Variants in SHTN1 observed in about 807,000 individuals in gnomAD.
SHTN1 encodes the protein shootin 1.
Under a neutral mutation model 83.1 loss-of-function variants are expected in SHTN1, and 42 were observed. The observed-to-expected ratio is 0.51, with a 90% CI of 0.39 to 0.65. The LOEUF (loss-of-function observed/expected upper bound fraction) is 0.65. Among genes scored for constraint, SHTN1 ranks in the 30% least tolerant of loss-of-function variants. The pLI, the probability that SHTN1 is intolerant of heterozygous loss-of-function variation, is 0.00. For missense variants in SHTN1, 622 were observed against 737.8 expected (o/e 0.84, Z 1.82); for synonymous variants, 224 against 247.7 (o/e 0.90, Z 0.90).
rs774731476 is a variant in SHTN1, at chr10:116,911,743, C to T, written c.1359+47G>A. On this transcript the variant is annotated intron_variant, in intron 14 of 16. Coordinates refer to ENST00000355371, the MANE Select transcript of SHTN1 (RefSeq NM_001127211.3). ...AAAAAACAGATTTTAAAATACTCTC[C>T]TTTCATTTCCCCATTAGCTAAACAA... The T allele has an allele frequency of 7.0e-6, 11 of 1,575,808 alleles. No individual in the cohort carries two copies. In the South Asian group the frequency reaches 8.9e-5, roughly 13 times the overall value.
At position 116,919,701 on chromosome 10, in the gene SHTN1, T is replaced by C. The variant is rs536919346; in HGVS notation, c.1195+1733A>G. The stretch of plus-strand genomic sequence containing the variant: ...AAATTACAGCATCAGGAAACGCTAA[T>C]AGCCAGTAACCAAAGAGCAGGGCCA... On this transcript the variant is annotated intron_variant, in intron 12 of 16. Transcript: ENST00000355371. Among the ~76,000 whole-genome samples, 3 of 152,256 alleles carry C rather than the reference T, an allele frequency of 2.0e-5. No individual in the cohort carries two copies. The South Asian group carries it at 6.2e-4, about 32-fold the overall frequency.
At chr10:117,021,949 TTAAAG>T (rs1366407354) in intron 2 of SHTN1, among the ~76,000 whole-genome samples, 1 of 152,152 alleles carries the variant, frequency 6.6e-6, no homozygotes, top group Non-Finnish European at 1.5e-5. Flanking sequence ...CTATAATCAG[TTAAAG>T]TAAAGCGGAT....
chr10:117,041,879 TTTAC>T (rs1262907291), intron 2 of SHTN1, among the ~76,000 whole-genome samples: 2 of 152,308 alleles, frequency 1.3e-5, no homozygotes, highest in South Asian at 4.1e-4. Flanking sequence ...TAAAATTCCT[TTTAC>T]TTAAAGAACC....
At chr10:116,975,426 T>C (rs1850766141) in intron 2 of SHTN1, among the ~76,000 whole-genome samples, 1 of 151,180 alleles carries the variant, frequency 6.6e-6, no homozygotes, top group Non-Finnish European at 1.5e-5. Flanking sequence ...CTTTGTCCAT[T>C]GCCCAGCCAT....
chr10:116,951,906 T>C lies in SHTN1; in HGVS notation c.534+3A>G. 1.3e-6 allele frequency: 2 copies of C among 1,548,410 alleles called. No individual in the cohort carries two copies. Among genetic ancestry groups the C allele is most frequent in the Non-Finnish European group, 1.8e-6 (2 of 1,129,194 alleles). On this transcript the variant is annotated splice_donor_region_variant and intron_variant, in intron 6 of 16. Coordinates refer to ENST00000355371, the MANE Select transcript of SHTN1 (RefSeq NM_001127211.3). The stretch of plus-strand genomic sequence containing the variant: ...CCTTGCCTTTCAGGCCTGAGATACA[T>C]ACTTCTTCAATTACTTCTACGAGTT...
At chr10:117,051,111 G>A (rs1330747669) in intron 1 of SHTN1, among the ~76,000 whole-genome samples, 1 of 152,052 alleles carries the variant, frequency 6.6e-6, no homozygotes, top group African/African-American at 2.4e-5. Context: ...AGGATTATAA[G>A]GGAATACAAT....
At chr10:117,077,102 G>T (rs1293823245) in intron 1 of SHTN1, among the ~76,000 whole-genome samples, 2 of 152,180 alleles carry the variant, frequency 1.3e-5, no homozygotes, top group Non-Finnish European at 2.9e-5. Context: ...GAAGAAATGT[G>T]CAATCAAAAA....
intron 2 of SHTN1, among the ~76,000 whole-genome samples, chr10:117,038,232 C>A (rs1269134219): frequency 1.3e-5 from 2 of 151,496 alleles, no homozygotes; most frequent in African/African-American, 4.8e-5. Context: ...CCTTGACCTT[C>A]TGGGCTCAAG....
At chr10:117,068,789 T>A (rs1222223195) in intron 1 of SHTN1, among the ~76,000 whole-genome samples, 1 of 152,136 alleles carries the variant, frequency 6.6e-6, no homozygotes, top group Non-Finnish European at 1.5e-5. Flanking sequence ...ACAGGTGCAG[T>A]GACATGATGG....
At chr10:117,005,310 A>C, upstream of SHTN1, 6 of 1,387,722 alleles carry the variant, frequency 4.3e-6, no homozygotes, top group Non-Finnish European at 5.6e-6. Context: ...CGGGCCCAGC[A>C]GTCCCGTTCA....
At chr10:117,024,733 A>G (rs536681757) in intron 2 of SHTN1, among the ~76,000 whole-genome samples, 8 of 152,194 alleles carry the variant, frequency 5.3e-5, no homozygotes, top group Admixed American at 1.3e-4. Flanking sequence ...ACACATGCTG[A>G]AGTAGTTAGG....
chr10:116,971,849 C>T (rs536073540), intron 2 of SHTN1, among the ~76,000 whole-genome samples: 1 of 152,256 alleles, frequency 6.6e-6, no homozygotes, highest in Admixed American at 6.5e-5. Flanking sequence ...ATGTAGCTCT[C>T]GAAGCTCTAC....
intron 1 of SHTN1, among the ~76,000 whole-genome samples, chr10:116,984,161 A>G (rs1209032888): frequency 6.6e-6 from 1 of 151,992 alleles, no homozygotes; most frequent in East Asian, 1.9e-4. Flanking sequence ...GAGGCTAATC[A>G]CTCTACCTCT....
At chr10:116,990,795 G>A (rs1353060314) in intron 1 of SHTN1, among the ~76,000 whole-genome samples, 1 of 151,912 alleles carries the variant, frequency 6.6e-6, no homozygotes, top group African/African-American at 2.4e-5. Context: ...ACAGGTTATT[G>A]GGCCTTTCTT....
intron 2 of SHTN1, among the ~76,000 whole-genome samples, chr10:117,012,724 A>T (rs1163709758): frequency 6.6e-6 from 1 of 152,222 alleles, no homozygotes; most frequent in Non-Finnish European, 1.5e-5. Context: ...CCAAAAGCGT[A>T]ATCAATAAAA....
Position 117,005,145 on chromosome 10 carries a change from G to C in SHTN1, c.-66C>G. ...GGCGCGGGGCACACAGGAGGAGGGG[G>C]AAGAAAAAGCAAGATGCCGGTGGCT... On this transcript the variant is annotated 5_prime_UTR_variant, in exon 1 of 17. Transcript: ENST00000355371. 3 of 1,553,988 alleles carry C rather than the reference G, an allele frequency of 1.9e-6. No individual in the cohort carries two copies. Among genetic ancestry groups the C allele is most frequent in the Non-Finnish European group, 2.6e-6 (3 of 1,148,412 alleles).
chr10:116,929,708 T>C, intron 10 of SHTN1, 141 bp downstream of exon 10: 1 of 506,128 alleles, frequency 2.0e-6, no homozygotes, highest in South Asian at 4.9e-5. Context: ...GGTTAGAAAT[T>C]AAGGAATTTC....
At position 116,885,459 on chromosome 10, in the gene SHTN1, A is replaced by C. The variant is rs997752884; in HGVS notation, c.*885T>G. ...CTGCTTAATTTCTTTTTTAAAAAAA[A>C]CAACAACAAACCTGTGTAATATAGA... On this transcript the variant is annotated 3_prime_UTR_variant, in exon 17 of 17. Coordinates refer to ENST00000355371, the MANE Select transcript of SHTN1 (RefSeq NM_001127211.3). The C allele has an allele frequency of 7.9e-5, 12 of 152,732 alleles. No individual in the cohort carries two copies. The highest frequency in any genetic ancestry group is 2.9e-4 in the African/African-American group (12 of 41,576). 9.5% of individuals were successfully genotyped at this position (152,732 alleles called of 1,614,324 possible). A position where few individuals can be genotyped will look rare whatever the true frequency, so the allele number is the denominator to read the frequency against.
chr10:117,125,433 C>T (rs1272392148), intron 1 of SHTN1, among the ~76,000 whole-genome samples: 1 of 152,140 alleles, frequency 6.6e-6, no homozygotes, highest in African/African-American at 2.4e-5. Flanking sequence ...CAGCTTAATC[C>T]CAGACCTCGA....
Sources: gnomAD v4.1 joint callset for allele counts (sites outside exome capture counted in the v4.1 genomes callset) on GRCh38, gnomAD v4.1.1 for gene constraint, MANE v1.5 for transcripts, NCBI Gene and HGNC (gene_info 2026-07-23, HGNC 2026-07-21) for gene names.